The following BICRAL variants were observed in gnomAD, a reference collection of about 807,000 sequenced individuals.
BICRAL encodes the protein BRD4-interacting chromatin-remodeling complex-associated protein-like.
A neutral mutation model predicts 91.8 loss-of-function variants in BICRAL; 8 were observed. That is an observed-to-expected ratio of 0.09 (90% CI 0.05 to 0.16). The LOEUF is 0.16. BICRAL is among the 10% of genes least tolerant of loss of function. BICRAL has a pLI of 1.00. For synonymous variants in BICRAL, 445 were observed against 491.1 expected, an observed-to-expected ratio of 0.91 and a Z score of 1.24; for missense variants, 1,038 against 1,310.9, an observed-to-expected ratio of 0.79 and a Z score of 3.21.
intron 12 of BICRAL, among the ~76,000 whole-genome samples, chr6:42,863,350 G>A (rs541506045): frequency 4.2e-4 from 64 of 151,912 alleles, no homozygotes; most frequent in African/African-American, 1.5e-3. Context: ...GCCCAGCCAC[G>A]GACATTTCTT....
upstream of BICRAL, among the ~76,000 whole-genome samples, chr6:42,778,374 C>A (rs1215677533): frequency 6.6e-6 from 1 of 152,174 alleles, no homozygotes; most frequent in East Asian, 1.9e-4. Flanking sequence ...TGTTCCCAGG[C>A]AAATTGCTGA....
Position 42,867,144 on chromosome 6 carries a change from G to C in BICRAL, c.*1698G>C. ...GATGACCCCCATTGTCATCATGTTG[G>C]GCATTTCTTTTCCAGATTGGCCTGT... On this transcript the variant is annotated 3_prime_UTR_variant, in exon 13 of 13. Transcript: ENST00000314073. 1 of 230,762 alleles carries C rather than the reference G, an allele frequency of 4.3e-6. No homozygotes were observed. Among genetic ancestry groups the C allele is most frequent in the Non-Finnish European group, 8.8e-6 (1 of 113,570 alleles). 14.3% of individuals were successfully genotyped at this position (230,762 alleles called of 1,614,324 possible).
At position 42,789,683 on chromosome 6, in the gene BICRAL, G is replaced by A. The variant is rs555094461; in HGVS notation, c.-102+7582G>A. 5.3e-5 allele frequency among the ~76,000 whole-genome samples: 8 copies of A among 151,578 alleles called. No individual in the cohort carries two copies. In the East Asian group the frequency reaches 1.5e-3, roughly 29 times the overall value. On this transcript the variant is annotated intron_variant, in intron 1 of 12. Transcript: ENST00000314073. ...AATGAACACTTAAATATTTGTGGCAGATAGAGGTGTTATTTGCATATGGAA... is the reference window on the plus strand; with the variant it reads ...AATGAACACTTAAATATTTGTGGCAAATAGAGGTGTTATTTGCATATGGAA...
chr6:42,806,720 G>T (rs1259136998), intron 1 of BICRAL, among the ~76,000 whole-genome samples: 1 of 151,454 alleles, frequency 6.6e-6, no homozygotes, highest in Non-Finnish European at 1.5e-5. Context: ...TTGCCATGTT[G>T]CCCAGGCTGG....
Position 42,865,007 on chromosome 6 carries a change from C to T in BICRAL, c.2801C>T (p.Ser934Phe), listed in dbSNP as rs781043720. The T allele has an allele frequency of 1.2e-6, 2 of 1,614,068 alleles. No individual in the cohort carries two copies. The highest frequency in any genetic ancestry group is 2.2e-5 in the East Asian group (1 of 44,888). The part of the protein sequence containing the change: ...RREPLKASQC[S>F]PGPEGHRKTS... Reference sequence around the variant, plus strand: ...GAGCCTCTGAAGGCCAGTCAGTGCTCTCCCGGCCCTGAGGGGCACCGGAAA... The same window carrying T: ...GAGCCTCTGAAGGCCAGTCAGTGCTTTCCCGGCCCTGAGGGGCACCGGAAA... Residue 934 changes from serine to phenylalanine, a missense_variant, in exon 13 of 13, where the codon TCT becomes TTT. Ser to Phe is a radical substitution (Grantham distance 155). This residue lies in a region of BICRAL where 294 missense variants were observed against 292.6 expected (regional missense o/e 1.00). Transcript: ENST00000314073.
upstream of BICRAL, among the ~76,000 whole-genome samples, chr6:42,780,461 T>A (rs572393958): frequency 6.6e-6 from 1 of 152,296 alleles, no homozygotes; most frequent in African/African-American, 2.4e-5. Context: ...GAATAGCTAC[T>A]CCATAGGCAG....
intron 2 of BICRAL, among the ~76,000 whole-genome samples, chr6:42,819,182 GA>G (rs1362983092): frequency 1.3e-5 from 2 of 152,226 alleles, no homozygotes; most frequent in Non-Finnish European, 2.9e-5. Flanking sequence ...CAGGAGTCCA[GA>G]AGTAAATGGA....
At chr6:42,817,628 C>T (rs2113931546) in intron 2 of BICRAL, among the ~76,000 whole-genome samples, 2 of 152,046 alleles carry the variant, frequency 1.3e-5, no homozygotes, top group South Asian at 4.1e-4. Context: ...TACAGGTGTG[C>T]ATCAGCACAC....
At chr6:42,758,804 G>A (rs1008628504) in intron 1 of BICRAL, among the ~76,000 whole-genome samples, 1 of 152,078 alleles carries the variant, frequency 6.6e-6, no homozygotes, top group African/African-American at 2.4e-5. Context: ...CTTTCTGCAG[G>A]TATTTATGGA....
chr6:42,776,717 T>C (rs1762813394), intron 1 of BICRAL, among the ~76,000 whole-genome samples: 1 of 152,194 alleles, frequency 6.6e-6, no homozygotes, highest in Admixed American at 6.5e-5. Context: ...AGGTTATTAC[T>C]ATCTCCATTT....
intron 1 of BICRAL, among the ~76,000 whole-genome samples, chr6:42,799,954 G>A (rs1055131366): frequency 1.3e-5 from 2 of 152,098 alleles, no homozygotes; most frequent in African/African-American, 4.8e-5. Flanking sequence ...AATCTTGGCC[G>A]ACTGCAACCT....
intron 1 of BICRAL, among the ~76,000 whole-genome samples, chr6:42,785,480 G>C (rs892477601): frequency 6.6e-6 from 1 of 150,930 alleles, no homozygotes; most frequent in Admixed American, 6.6e-5. Context: ...AGAATCACTT[G>C]AACTGGGGAG....
At chr6:42,790,994 G>A (rs1412770172) in intron 1 of BICRAL, among the ~76,000 whole-genome samples, 1 of 151,986 alleles carries the variant, frequency 6.6e-6, no homozygotes, top group Non-Finnish European at 1.5e-5. Flanking sequence ...CTAACATGGT[G>A]CCTGGCTACA....
chr6:42,779,954 C>G (rs1188505231), upstream of BICRAL, among the ~76,000 whole-genome samples: 2 of 152,160 alleles, frequency 1.3e-5, no homozygotes, highest in African/African-American at 4.8e-5. Flanking sequence ...GGGTCTCACT[C>G]TGTCAGCCTG....
chr6:42,823,956 C>T lies in BICRAL; in HGVS notation c.159+953C>T, dbSNP rs1404152369. On this transcript the variant is annotated intron_variant, in intron 5 of 12. Coordinates refer to ENST00000314073, the MANE Select transcript of BICRAL (RefSeq NM_001393499.1). ...AAATAAATAAATAAATAAAATAATA[C>T]ACCAGGCATGGTGGCTCACACCTGT... 2.7e-5 allele frequency among the ~76,000 whole-genome samples: 4 copies of T among 147,492 alleles called. No individual in the cohort carries two copies. The East Asian group carries it at 8.3e-4, about 31-fold the overall frequency.
intron 1 of BICRAL, among the ~76,000 whole-genome samples, chr6:42,758,277 G>A (rs987343348): frequency 6.6e-6 from 1 of 152,076 alleles, no homozygotes; most frequent in Non-Finnish European, 1.5e-5. Context: ...AATGCAAGCC[G>A]ATTGTGTCAC....
chr6:42,825,928 T>C (rs901677169), intron 5 of BICRAL, among the ~76,000 whole-genome samples: 7 of 150,982 alleles, frequency 4.6e-5, no homozygotes, highest in African/African-American at 1.7e-4. Context: ...CTAAAAAATA[T>C]AAAAATTAGC....
chr6:42,796,992 T>G (rs1327902825), intron 1 of BICRAL, among the ~76,000 whole-genome samples: 1 of 137,240 alleles, frequency 7.3e-6, no homozygotes, highest in Non-Finnish European at 1.5e-5. Flanking sequence ...TTGCGTGAGC[T>G]GAAATCGTGC....
At chr6:42,815,722 T>C (rs1763971199) in intron 2 of BICRAL, among the ~76,000 whole-genome samples, 1 of 151,944 alleles carries the variant, frequency 6.6e-6, no homozygotes, top group South Asian at 2.1e-4. Context: ...GCGTGGTGGC[T>C]CCTGACTGTA....
Sources: gnomAD v4.1 joint callset for allele counts (sites outside exome capture counted in the v4.1 genomes callset) on GRCh38, gnomAD v4.1.1 for gene constraint, gnomAD v4.1.1 regional missense constraint, MANE v1.5 for transcripts, NCBI Gene and HGNC (gene_info 2026-07-23, HGNC 2026-07-21) for gene names.